TCF4: variants seen among roughly 807,000 people sequenced by gnomAD.
TCF4 encodes the protein SL3-3 enhancer factor 2.
A neutral mutation model predicts 82.1 loss-of-function variants in TCF4; 3 were observed. That is an observed-to-expected ratio of 0.04 (90% CI 0.02 to 0.09). The LOEUF (loss-of-function observed/expected upper bound fraction) is 0.09, where lower values mean the gene tolerates loss of function less well. Among genes scored for constraint, TCF4 ranks in the 10% least tolerant of loss-of-function variants. The pLI, the probability that TCF4 is intolerant of heterozygous loss-of-function variation, is 1.00. For missense variants in TCF4, 518 were observed against 852.7 expected, an observed-to-expected ratio of 0.61 and a Z score of 4.89; for synonymous variants, 276 against 309.6, an observed-to-expected ratio of 0.89 and a Z score of 1.14.
intron 3 of TCF4, among the ~76,000 whole-genome samples, chr18:55,497,415 A>G (rs1212672478): frequency 6.6e-6 from 1 of 152,218 alleles, no homozygotes; most frequent in Non-Finnish European, 1.5e-5. Context: ...AATCTTGTCT[A>G]TGAGGGAAAG....
chr18:55,450,621 A>G (rs1210023319), intron 5 of TCF4, among the ~76,000 whole-genome samples: 1 of 152,226 alleles, frequency 6.6e-6, no homozygotes, highest in East Asian at 1.9e-4. Flanking sequence ...GCAACATTCT[A>G]TACCAAGCGT....
intron 2 of TCF4, among the ~76,000 whole-genome samples, chr18:55,615,955 G>T (rs1455071512): frequency 6.6e-6 from 1 of 151,964 alleles, no homozygotes; most frequent in African/African-American, 2.4e-5. Flanking sequence ...TTGGTCTTTA[G>T]TTTTGTTTTT....
At chr18:55,350,489 A>G (rs1353920887) in intron 7 of TCF4, 81 bp from the exon 8 acceptor site, 24 of 1,384,922 alleles carry the variant, frequency 1.7e-5, no homozygotes, top group Non-Finnish European at 2.4e-5. Context: ...AGACTTCTAG[A>G]TGATACCACA....
intron 3 of TCF4, among the ~76,000 whole-genome samples, chr18:55,465,784 A>G (rs1056472061): frequency 6.6e-6 from 1 of 152,220 alleles, no homozygotes; most frequent in African/African-American, 2.4e-5. Flanking sequence ...TATAAATAAC[A>G]AAATCTCTCA....
chr18:55,360,874 A>G (rs1430758749), intron 6 of TCF4, among the ~76,000 whole-genome samples: 2 of 151,560 alleles, frequency 1.3e-5, no homozygotes, highest in African/African-American at 4.8e-5. Context: ...CTACAGGTGC[A>G]TGCCACCATG....
chr18:55,588,307 C>A, upstream of TCF4: 2 of 1,456,814 alleles, frequency 1.4e-6, no homozygotes, highest in Non-Finnish European at 1.8e-6. Context: ...ATTGCAAGTT[C>A]AGCAAAGAAA....
chr18:55,335,027 G>A (rs988396398), intron 8 of TCF4, among the ~76,000 whole-genome samples: 1 of 152,120 alleles, frequency 6.6e-6, no homozygotes, highest in African/African-American at 2.4e-5. Flanking sequence ...GACCAGATTT[G>A]GCCACTGAAT....
chr18:55,390,169 C>A (rs1224386209), intron 6 of TCF4, among the ~76,000 whole-genome samples: 1 of 151,476 alleles, frequency 6.6e-6, no homozygotes, highest in Non-Finnish European at 1.5e-5. Context: ...GTGATAAATA[C>A]TTCCAGATGT....
rs151196106 is a variant in TCF4, at chr18:55,463,948, C to CTGTGTG, written c.207+122_207+127dup. 27,342 of 693,502 alleles carry CTGTGTG rather than the reference C, an allele frequency of 0.039. 420 individuals are homozygous for CTGTGTG. The highest frequency in any genetic ancestry group is 0.19 in the East Asian group (6,747 of 35,452). 43.0% of individuals were successfully genotyped at this position (693,502 alleles called of 1,614,324 possible). A position where few individuals can be genotyped will look rare whatever the true frequency, so the allele number is the denominator to read the frequency against. ...TGTGTGCGTGTGCATGCCCATGCCT[C>CTGTGTG]TGTGTGTGTGTGTGTGTGTGTGTGT... is the stretch of plus-strand genomic sequence containing the variant. On this transcript the variant is annotated intron_variant, in intron 4 of 19. Coordinates refer to ENST00000354452, the MANE Select transcript of TCF4 (RefSeq NM_001083962.2).
intron 8 of TCF4, among the ~76,000 whole-genome samples, chr18:55,317,538 A>G (rs1012497798): frequency 7.2e-5 from 11 of 151,876 alleles, no homozygotes; most frequent in East Asian, 3.9e-4. Context: ...GTTTGGGGGG[A>G]AAAAAAAGAG....
chr18:55,587,891 GA>G, intron 1 of TCF4, 146 bp downstream of exon 1: 1 of 647,970 alleles, frequency 1.5e-6, no homozygotes, highest in Non-Finnish European at 1.9e-6. Context: ...GAAGCGGCGG[GA>G]GGGGAAGGGG....
At chr18:55,563,628 T>C (rs28607662) in intron 3 of TCF4, among the ~76,000 whole-genome samples, 9,843 of 152,270 alleles carry the variant, frequency 0.065, 441 homozygotes, top group Middle Eastern at 0.1. Flanking sequence ...CTCCACAAGG[T>C]ATGGCCTTGG....
intron 2 of TCF4, among the ~76,000 whole-genome samples, chr18:55,608,124 A>G (rs2097703797): frequency 6.6e-6 from 1 of 152,248 alleles, no homozygotes. Context: ...CCTAGACCAC[A>G]AAAAGATAAT....
At chr18:55,580,548 A>G (rs540860097) in intron 3 of TCF4, among the ~76,000 whole-genome samples, 88 of 152,162 alleles carry the variant, frequency 5.8e-4, no homozygotes, top group African/African-American at 2.0e-3. Flanking sequence ...AGTCACATTG[A>G]TATCTGTCAT....
chr18:55,415,592 A>G (rs1022229931), intron 5 of TCF4, among the ~76,000 whole-genome samples: 1 of 152,150 alleles, frequency 6.6e-6, no homozygotes, highest in Non-Finnish European at 1.5e-5. Flanking sequence ...CATTGATAAA[A>G]CTAACGTGCT....
intron 5 of TCF4, among the ~76,000 whole-genome samples, chr18:55,409,870 G>C (rs2146653624): frequency 6.6e-6 from 1 of 152,186 alleles, no homozygotes. Context: ...GAGACTCTGG[G>C]TTTACAAAAA....
Position 55,569,768 on chromosome 18 carries a change from C to T in TCF4, c.145+15512G>A, listed in dbSNP as rs796833648. Reference sequence around the variant, plus strand: ...AAGAATTGTTTTGAGATATCAGACACCTAAAACAATGGAGATATAAATGAG... The same window carrying T: ...AAGAATTGTTTTGAGATATCAGACATCTAAAACAATGGAGATATAAATGAG... On this transcript the variant is annotated intron_variant, in intron 3 of 19. Coordinates refer to ENST00000354452, the MANE Select transcript of TCF4 (RefSeq NM_001083962.2). Among the ~76,000 whole-genome samples the T allele has an allele frequency of 3.3e-5, 5 of 151,918 alleles. No individual in the cohort carries two copies. In the South Asian group the frequency reaches 1.0e-3, roughly 32 times the overall value.
upstream of TCF4, among the ~76,000 whole-genome samples, chr18:55,591,622 A>G (rs1319902847): frequency 6.6e-6 from 1 of 152,156 alleles, no homozygotes; most frequent in Non-Finnish European, 1.5e-5. Context: ...GGTTCAAGCG[A>G]TTCTCCTGCC....
upstream of TCF4, chr18:55,589,813 AGGAG>A: frequency 9.9e-7 from 1 of 1,006,876 alleles, no homozygotes; most frequent in African/African-American, 1.7e-5. Flanking sequence ...TATAAAGAGA[AGGAG>A]CTGCGGCCGC....
Sources: gnomAD v4.1 joint callset for allele counts (sites outside exome capture counted in the v4.1 genomes callset) on GRCh38, gnomAD v4.1.1 for gene constraint, MANE v1.5 for transcripts, NCBI Gene and HGNC (gene_info 2026-07-23, HGNC 2026-07-21) for gene names.